Variants in SLC25A40 observed in about 807,000 individuals in gnomAD.
SLC25A40 encodes the protein mitochondrial glutathione transporter SLC25A40.
Under a neutral mutation model 46.5 loss-of-function variants are expected in SLC25A40, and 41 were observed. The observed-to-expected ratio is 0.88, with a 90% CI of 0.69 to 1.14. The LOEUF is 1.14. SLC25A40 is among the 50% of genes most tolerant of loss of function. The pLI is 0.00. For synonymous variants in SLC25A40, 126 were observed against 127.5 expected (o/e 0.99, Z 0.08); for missense variants, 386 against 393.6 (o/e 0.98, Z 0.16).
At chr7:87,868,377 T>C (rs898413135) in intron 1 of SLC25A40, among the ~76,000 whole-genome samples, 1 of 152,176 alleles carries the variant, frequency 6.6e-6, no homozygotes, top group Non-Finnish European at 1.5e-5. Flanking sequence ...CCTACCTATA[T>C]GCAGTGGACC....
intron 9 of SLC25A40, chr7:87,841,956 G>T: frequency 2.7e-6 from 1 of 365,428 alleles, no homozygotes; most frequent in South Asian, 2.6e-5. Flanking sequence ...ACAGCTACTA[G>T]TTGCAGAGCC....
chr7:87,841,687 C>A lies in SLC25A40; in HGVS notation c.769G>T (p.Asp257Tyr). Residue 257 changes from aspartate (D) to tyrosine (Y), a missense_variant, in exon 10 of 12, where the codon GAT becomes TAT. By Grantham distance (160) the Asp-to-Tyr change is radical (BLOSUM62 -3). Coordinates refer to ENST00000341119, the MANE Select transcript of SLC25A40 (RefSeq NM_018843.4). ...SFAAVATLPF[D>Y]VVKTQKQTQL... ...GTCTGCTTTTGTGTTTTTACTACAT[C>A]AAATGGTAAAGTTGCAACAGCAGCA... is the stretch of plus-strand genomic sequence containing the variant. 6.5e-7 allele frequency: 1 copy of A among 1,529,254 alleles called. No individual in the cohort carries two copies. The highest frequency in any genetic ancestry group is 8.8e-7 in the Non-Finnish European group (1 of 1,136,812). The allele number at this position is 1,529,254 out of a possible 1,614,324, so 94.7% of individuals were successfully genotyped here.
chr7:87,866,483 C>T (rs952118779), intron 1 of SLC25A40, among the ~76,000 whole-genome samples: 1 of 152,052 alleles, frequency 6.6e-6, no homozygotes, highest in Admixed American at 6.6e-5. Context: ...TTATCCTTGC[C>T]CTTTTAGAGT....
chr7:87,853,488 A>T (rs1223704645), intron 5 of SLC25A40, among the ~76,000 whole-genome samples: 2 of 152,200 alleles, frequency 1.3e-5, no homozygotes, highest in Non-Finnish European at 2.9e-5. Context: ...CATTTTTCCC[A>T]GAGTAAGTGA....
At chr7:87,847,761 C>A (rs960777117) in intron 7 of SLC25A40, 92 bp downstream of exon 7, 1 of 1,235,338 alleles carries the variant, frequency 8.1e-7, no homozygotes. Context: ...CATACTAATA[C>A]TCTATATATT....
intron 5 of SLC25A40, among the ~76,000 whole-genome samples, chr7:87,853,007 A>G (rs899304543): frequency 2.0e-5 from 3 of 152,244 alleles, no homozygotes; most frequent in Admixed American, 1.3e-4. Flanking sequence ...TAAAAATTAA[A>G]AAGTTTTACC....
At chr7:87,866,959 C>T (rs902834441) in intron 1 of SLC25A40, among the ~76,000 whole-genome samples, 7 of 152,338 alleles carry the variant, frequency 4.6e-5, no homozygotes, top group Middle Eastern at 3.4e-3. Context: ...AGCAAGCCTC[C>T]GATGCTCTGG....
intron 1 of SLC25A40, among the ~76,000 whole-genome samples, chr7:87,875,641 GA>G (rs931350527): frequency 6.1e-5 from 9 of 147,966 alleles, no homozygotes; most frequent in South Asian, 2.1e-4. Flanking sequence ...TGTTTTACAG[GA>G]AAAAAAAATG....
chr7:87,874,214 C>T (rs564286898), intron 1 of SLC25A40, among the ~76,000 whole-genome samples: 3 of 152,182 alleles, frequency 2.0e-5, no homozygotes, highest in African/African-American at 7.2e-5. Flanking sequence ...TCAGTGCAGT[C>T]GAGGGTGAGT....
rs142334312 is a variant in SLC25A40 at position 87,855,259 on chromosome 7, G to A, written c.158-949C>T. ...AAGACGAAAACCCATTTAGAGAAGGGAACATGGACGCATATCTTCTCTATT... is the reference window on the plus strand; with the variant it reads ...AAGACGAAAACCCATTTAGAGAAGGAAACATGGACGCATATCTTCTCTATT... On this transcript the variant is annotated intron_variant, in intron 4 of 11. Coordinates refer to ENST00000341119, the MANE Select transcript of SLC25A40 (RefSeq NM_018843.4). Among the ~76,000 whole-genome samples the A allele has an allele frequency of 3.8e-3, 586 of 152,214 alleles. 2 individuals are homozygous for A. The highest frequency in any genetic ancestry group is 0.013 in the African/African-American group (559 of 41,532).
At chr7:87,851,817 T>G (rs2131006311) in intron 5 of SLC25A40, among the ~76,000 whole-genome samples, 1 of 152,220 alleles carries the variant, frequency 6.6e-6, no homozygotes, top group African/African-American at 2.4e-5. Context: ...AAAAGACAGC[T>G]AAAATAGAAT....
At chr7:87,869,679 C>T (rs1406095199) in intron 1 of SLC25A40, among the ~76,000 whole-genome samples, 1 of 152,052 alleles carries the variant, frequency 6.6e-6, no homozygotes, top group Non-Finnish European at 1.5e-5. Context: ...TTCCTTTCCA[C>T]TTCTGAATAC....
intron 1 of SLC25A40, among the ~76,000 whole-genome samples, chr7:87,873,410 T>G (rs1452411331): frequency 1.3e-5 from 2 of 151,760 alleles, no homozygotes; most frequent in Non-Finnish European, 1.5e-5. Context: ...ATAAGTAAAT[T>G]CTAGCATAGA....
At chr7:87,849,611 G>T (rs1838476847) in intron 6 of SLC25A40, among the ~76,000 whole-genome samples, 1 of 152,132 alleles carries the variant, frequency 6.6e-6, no homozygotes, top group Non-Finnish European at 1.5e-5. Flanking sequence ...CCTATTTCTG[G>T]ACAACTCCTG....
chr7:87,842,633 A>C (rs1377164941), intron 9 of SLC25A40, among the ~76,000 whole-genome samples: 1 of 152,058 alleles, frequency 6.6e-6, no homozygotes, highest in African/African-American at 2.4e-5. Context: ...AATGTTATGT[A>C]AGCCATTTTT....
Position 87,856,314 on chromosome 7 carries a change from G to A in SLC25A40, c.135C>T (p.Ala45=). Residue 45 remains alanine, a synonymous_variant, in exon 4 of 12, where the codon GCC becomes GCT. Coordinates refer to ENST00000341119, the MANE Select transcript of SLC25A40 (RefSeq NM_018843.4). ...TACCTTTGGGGAGTGGGTTGTTTTG[G>A]GCTTGGAGTCTAATTTTAACAACAT... ...PLDVVKIRLQ[A]QNNPLPKGKC... is the part of the protein sequence containing the mutation. The A allele has an allele frequency of 6.2e-7, 1 of 1,613,162 alleles. No homozygotes were observed. Among genetic ancestry groups the A allele is most frequent in the Non-Finnish European group, 8.5e-7 (1 of 1,179,458 alleles).
At chr7:87,862,904 G>A (rs1334480619) in intron 1 of SLC25A40, among the ~76,000 whole-genome samples, 1 of 152,038 alleles carries the variant, frequency 6.6e-6, no homozygotes, top group African/African-American at 2.4e-5. Flanking sequence ...GAATAGGATG[G>A]GAAAGACTCA....
rs1321621332 is a variant in SLC25A40 at position 87,876,245 on chromosome 7, C to T, written c.-243G>A. On this transcript the variant is annotated 5_prime_UTR_variant, in exon 1 of 12. Transcript: ENST00000341119. ...CCGCGCCAACTCTCTGAGGCTGCGC[C>T]AAGACCTGAAGCGGCGGACCGAGAG... is the stretch of plus-strand genomic sequence containing the variant. 1 of 155,798 alleles carries T rather than the reference C, an allele frequency of 6.4e-6. No homozygotes were observed. Among genetic ancestry groups the T allele is most frequent in the Non-Finnish European group, 1.4e-5 (1 of 70,992 alleles). The allele number at this position is 155,798 out of a possible 1,614,324, so 9.7% of individuals were successfully genotyped here. A position where few individuals can be genotyped will look rare whatever the true frequency, so the allele number is the denominator to read the frequency against.
intron 3 of SLC25A40, 56 bp from the exon 4 acceptor site, chr7:87,856,407 G>T: frequency 8.0e-7 from 1 of 1,252,110 alleles, no homozygotes; most frequent in Non-Finnish European, 1.2e-6. Flanking sequence ...TTGGATAGAT[G>T]TTTTACACAG....
Sources: gnomAD v4.1 joint callset for allele counts (sites outside exome capture counted in the v4.1 genomes callset) on GRCh38, gnomAD v4.1.1 for gene constraint, MANE v1.5 for transcripts, NCBI Gene and HGNC (gene_info 2026-07-23, HGNC 2026-07-21) for gene names.